The following USP40 variants were observed in gnomAD, a reference collection of about 807,000 sequenced individuals.
USP40 encodes the protein ubiquitin carboxyl-terminal hydrolase 40.
USP40 carries 143 observed loss-of-function variants against 166.2 expected under a neutral mutation model. The ratio of observed to expected loss-of-function variants is 0.86; its 90% CI spans 0.75 to 0.99. The LOEUF is 0.99. Among genes scored for constraint, USP40 ranks in the 50% least tolerant of loss-of-function variants. The probability of loss-of-function intolerance (pLI) is 0.00; values close to 1 mark genes in which losing one functional copy is unlikely to be tolerated. For missense variants in USP40, 1,444 were observed against 1,479.7 expected (o/e 0.98, Z 0.40); for synonymous variants, 498 against 524.0 (o/e 0.95, Z 0.68).
intron 21 of USP40, among the ~76,000 whole-genome samples, chr2:233,505,055 A>C (rs1393897392): frequency 6.6e-6 from 1 of 152,138 alleles, no homozygotes; most frequent in African/African-American, 2.4e-5. Flanking sequence ...AACTTTGAAA[A>C]CCTTACAAAT....
chr2:233,564,195 A>C (rs965623635), intron 2 of USP40, among the ~76,000 whole-genome samples: 1 of 152,208 alleles, frequency 6.6e-6, no homozygotes, highest in African/African-American at 2.4e-5. Flanking sequence ...CTCTGGAGGC[A>C]GCAAGTCTTT....
In USP40 at chr2:233,566,741, A is replaced by T. The variant is rs1191601397; in HGVS notation, c.-77T>A. The T allele has an allele frequency of 1.0e-6, 1 of 985,800 alleles. No homozygotes were observed. Among genetic ancestry groups the T allele is most frequent in the African/African-American group, 1.7e-5 (1 of 57,250 alleles). 61.1% of individuals were successfully genotyped at this position (985,800 alleles called of 1,614,324 possible). Reference sequence around the variant, plus strand: ...ACGCGAAGCGAACGAACCCGCCCCAACTGGGCGCCGCCATGTTGGCGAGGG... The same window carrying T: ...ACGCGAAGCGAACGAACCCGCCCCATCTGGGCGCCGCCATGTTGGCGAGGG... On this transcript the variant is annotated 5_prime_UTR_variant, in exon 1 of 32. The change creates a new upstream start codon in the 5' untranslated region. Coordinates refer to ENST00000678225, the MANE Select transcript of USP40 (RefSeq NM_001365479.2).
Position 233,551,535 on chromosome 2 carries a change from T to A in USP40, c.694-16A>T, listed in dbSNP as rs2070562846. ...ATTTGGCCGACTGTTAAAAGAAAAA[T>A]TTACAAAGCTTTTTAAAAACAGGGT... On this transcript the variant is annotated splice_polypyrimidine_tract_variant and intron_variant, in intron 6 of 31. Coordinates refer to ENST00000678225, the MANE Select transcript of USP40 (RefSeq NM_001365479.2). 2 of 1,564,880 alleles carry A rather than the reference T, an allele frequency of 1.3e-6. No individual in the cohort carries two copies. The highest frequency in any genetic ancestry group is 1.4e-5 in the African/African-American group (1 of 72,476).
rs545904967 is a variant in USP40 at position 233,477,976 on chromosome 2, G to A, written c.3600-473C>T. Among the ~76,000 whole-genome samples, 20 of 152,298 alleles carry A rather than the reference G, an allele frequency of 1.3e-4. No homozygotes were observed. In the South Asian group the frequency reaches 2.7e-3, roughly 21 times the overall value. ...GACTGGCTTTCGCTGTGACCCCCCC[G>A]GCCCATGGCACCGTGCGGCAGGTGC... is the stretch of plus-strand genomic sequence containing the variant. On this transcript the variant is annotated intron_variant, in intron 31 of 31. Transcript: ENST00000678225.
Position 233,533,588 on chromosome 2 carries a change from A to G in USP40, c.1362T>C (p.Asp454=). The part of the protein sequence containing the change: ...ISCPHWFDIN[D]SKVQPIREKD... ...TTTCCCTGATTGGCTGGACTTTAGAATCATTTATATCAAACCAGTGGGGAC... is the reference window on the plus strand; with the variant it reads ...TTTCCCTGATTGGCTGGACTTTAGAGTCATTTATATCAAACCAGTGGGGAC... Residue 454 remains aspartate (D), a synonymous_variant, in exon 11 of 32, where the codon GAT becomes GAC. Coordinates refer to ENST00000678225, the MANE Select transcript of USP40 (RefSeq NM_001365479.2). 1 of 1,613,880 alleles carries G rather than the reference A, an allele frequency of 6.2e-7. No individual in the cohort carries two copies. Among genetic ancestry groups the G allele is most frequent in the Non-Finnish European group, 8.5e-7 (1 of 1,179,824 alleles).
chr2:233,482,781 GC>G (rs1333887338), intron 30 of USP40, among the ~76,000 whole-genome samples: 2 of 152,140 alleles, frequency 1.3e-5, no homozygotes, highest in African/African-American at 2.4e-5. Flanking sequence ...TGATCTGCCT[GC>G]CTTGGCCTCC....
intron 7 of USP40, among the ~76,000 whole-genome samples, chr2:233,549,506 C>A (rs1463220666): frequency 6.6e-6 from 1 of 152,094 alleles, no homozygotes; most frequent in Non-Finnish European, 1.5e-5. Context: ...TGGCTAAGAT[C>A]ATGTAAGCCA....
At chr2:233,530,338 G>T (rs535021451) in intron 11 of USP40, among the ~76,000 whole-genome samples, 1 of 151,908 alleles carries the variant, frequency 6.6e-6, no homozygotes, top group Non-Finnish European at 1.5e-5. Context: ...TGATTACATA[G>T]TAGTCCATTC....
At chr2:233,525,659 CAG>C in intron 13 of USP40, 97 bp from the exon 14 acceptor site, 1 of 852,154 alleles carries the variant, frequency 1.2e-6, no homozygotes, top group Non-Finnish European at 1.8e-6. Context: ...GAAGATGACA[CAG>C]AGAGCAAGCA....
intron 4 of USP40, among the ~76,000 whole-genome samples, 194 bp downstream of exon 4, chr2:233,559,617 T>A (rs1392230246): frequency 6.6e-6 from 1 of 152,182 alleles, no homozygotes; most frequent in Admixed American, 6.5e-5. Flanking sequence ...ATCACAGCCA[T>A]TCATAAAATC....
chr2:233,544,604 T>C (rs2069732216), intron 8 of USP40, among the ~76,000 whole-genome samples: 1 of 152,098 alleles, frequency 6.6e-6, no homozygotes, highest in African/African-American at 2.4e-5. Flanking sequence ...AGGGGCCCAT[T>C]ATGAATAACA....
intron 11 of USP40, among the ~76,000 whole-genome samples, chr2:233,532,869 C>A (rs997580060): frequency 6.6e-6 from 1 of 152,000 alleles, no homozygotes. Context: ...GAATTAGAGG[C>A]TGCAGTGAAC....
chr2:233,551,153 G>A (rs1344046093), intron 7 of USP40, among the ~76,000 whole-genome samples: 1 of 152,168 alleles, frequency 6.6e-6, no homozygotes, highest in Non-Finnish European at 1.5e-5. Flanking sequence ...ACTGAGAGAG[G>A]GGGAGTGAGG....
chr2:233,488,347 T>C, intron 27 of USP40, 43 bp from the exon 28 acceptor site: 1 of 1,499,112 alleles, frequency 6.7e-7, no homozygotes, highest in Non-Finnish European at 9.0e-7. Flanking sequence ...GACATAACAT[T>C]TAATTTTCTT....
chr2:233,517,379 G>GTTTTTTTTTTTTTTTTTT (rs202226925), intron 18 of USP40, among the ~76,000 whole-genome samples: 1 of 137,142 alleles, frequency 7.3e-6, no homozygotes, highest in African/African-American at 2.8e-5. Context: ...CACATGCATG[G>GTTTTTTTTTTTTTTTTTT]TTTTTTGTTT....
At chr2:233,564,054 C>G (rs1025190895) in intron 2 of USP40, among the ~76,000 whole-genome samples, 12 of 152,186 alleles carry the variant, frequency 7.9e-5, no homozygotes, top group Admixed American at 3.3e-4. Flanking sequence ...GGTGGAATTA[C>G]TGATTGCATC....
At chr2:233,487,887 G>A (rs1165600155) in intron 28 of USP40, 1 of 519,340 alleles carries the variant, frequency 1.9e-6, no homozygotes, top group Non-Finnish European at 3.9e-6. Context: ...TAGAATAAGG[G>A]GGCAGAGCGA....
intron 26 of USP40, among the ~76,000 whole-genome samples, chr2:233,490,318 G>A (rs965994021): frequency 1.5e-4 from 23 of 151,398 alleles, no homozygotes; most frequent in African/African-American, 4.6e-4. Flanking sequence ...GCCTGCCACC[G>A]TGCCAGGTGA....
intron 2 of USP40, among the ~76,000 whole-genome samples, chr2:233,564,353 G>A (rs2071939616): frequency 6.6e-6 from 1 of 152,172 alleles, no homozygotes; most frequent in African/African-American, 2.4e-5. Context: ...ACAAAGCCAT[G>A]TAGTGCTGGG....
Sources: allele counts gnomAD v4.1 joint callset (sites outside exome capture counted in the v4.1 genomes callset), GRCh38; gene constraint gnomAD v4.1.1; transcripts MANE v1.5; gene names NCBI Gene and HGNC (gene_info 2026-07-23, HGNC 2026-07-21).